TRIM27: variants seen among roughly 807,000 people sequenced by gnomAD.
TRIM27 encodes tripartite motif containing 27.
Under a neutral mutation model 57.6 loss-of-function variants are expected in TRIM27, and 12 were observed. The observed-to-expected ratio is 0.21, with a 90% CI of 0.13 to 0.34. TRIM27 has a LOEUF of 0.34. Ranked by LOEUF, TRIM27 falls within the 10% of genes least tolerant of loss-of-function variation. The probability of loss-of-function intolerance (pLI) is 1.00; values close to 1 mark genes in which losing one functional copy is unlikely to be tolerated. For missense variants in TRIM27, 403 were observed against 656.8 expected (o/e 0.61, Z 4.22); for synonymous variants, 266 against 259.0 (o/e 1.03, Z -0.26).
intron 6 of TRIM27, chr6:28,908,449 G>A: frequency 4.2e-6 from 1 of 235,428 alleles, no homozygotes; most frequent in Non-Finnish European, 8.3e-6. Flanking sequence ...ACAAGCAGTA[G>A]GAACTCAGTA....
At chr6:28,911,634 C>T in intron 4 of TRIM27, 62 bp downstream of exon 4, 1 of 1,548,792 alleles carries the variant, frequency 6.5e-7, no homozygotes, top group Non-Finnish European at 8.8e-7. Flanking sequence ...TCAGGATTTA[C>T]AAATGTGAAG....
At chr6:28,913,297 A>G (rs1266460780) in intron 3 of TRIM27, among the ~76,000 whole-genome samples, 2 of 148,324 alleles carry the variant, frequency 1.3e-5, no homozygotes, top group Non-Finnish European at 3.0e-5. Flanking sequence ...TAATATACGT[A>G]TGTATATGTG....
intron 4 of TRIM27, among the ~76,000 whole-genome samples, chr6:28,910,112 A>G (rs1773072033): frequency 7.4e-6 from 1 of 134,844 alleles, no homozygotes; most frequent in African/African-American, 3.1e-5. Flanking sequence ...GCCTCTACAA[A>G]AAAGAAAAAT....
Position 28,909,152 on chromosome 6 carries a change from G to C in TRIM27, c.771-64C>G. ...GAGATGGAGTTTCGCTTGTTGCCCAGGCTGGAGTGCAATGGCGCCATCTCG... is the reference window on the plus strand; with the variant it reads ...GAGATGGAGTTTCGCTTGTTGCCCACGCTGGAGTGCAATGGCGCCATCTCG... On this transcript the variant is annotated intron_variant, in intron 4 of 7. Coordinates refer to ENST00000377199, the MANE Select transcript of TRIM27 (RefSeq NM_006510.5). 8.3e-6 allele frequency: 10 copies of C among 1,209,138 alleles called. No homozygotes were observed. In the South Asian group the frequency reaches 1.3e-4, roughly 16 times the overall value. 74.9% of individuals were successfully genotyped at this position (1,209,138 alleles called of 1,614,324 possible). A position where few individuals can be genotyped will look rare whatever the true frequency, so the allele number is the denominator to read the frequency against.
At chr6:28,922,680 T>G (rs1774138374) in intron 1 of TRIM27, among the ~76,000 whole-genome samples, 1 of 152,196 alleles carries the variant, frequency 6.6e-6, no homozygotes, top group South Asian at 2.1e-4. Context: ...GATTCCACAA[T>G]ATTCCTCATA....
At chr6:28,918,968 C>G (rs1773822422) in intron 3 of TRIM27, among the ~76,000 whole-genome samples, 4 of 152,020 alleles carry the variant, frequency 2.6e-5, no homozygotes, top group Admixed American at 2.6e-4. Context: ...CCATAATTTG[C>G]TGACCCTTGC....
intron 2 of TRIM27, 136 bp downstream of exon 2, chr6:28,921,756 C>T (rs1442406545): frequency 1.4e-6 from 1 of 726,412 alleles, no homozygotes; most frequent in Admixed American, 2.2e-5. Flanking sequence ...GGTGAGTTCC[C>T]ACTGCCATGT....
At chr6:28,906,957 G>A in intron 7 of TRIM27, 1 of 443,968 alleles carries the variant, frequency 2.3e-6, no homozygotes, top group Non-Finnish European at 4.0e-6. Context: ...TACCAGCTCT[G>A]TTCTACTTTT....
intron 3 of TRIM27, chr6:28,914,742 T>G (rs1022867847): frequency 6.6e-6 from 1 of 152,162 alleles, no homozygotes; most frequent in Non-Finnish European, 1.5e-5. Flanking sequence ...GACAACTTGC[T>G]TTCCCTGTCT....
intron 3 of TRIM27, among the ~76,000 whole-genome samples, chr6:28,913,170 G>A (rs1356822427): frequency 6.6e-6 from 1 of 150,960 alleles, no homozygotes; most frequent in East Asian, 1.9e-4. Context: ...CAGGAGAATC[G>A]CTTGAACCCG....
At chr6:28,915,678 C>G (rs1298982515) in intron 3 of TRIM27, 2 of 152,124 alleles carry the variant, frequency 1.3e-5, no homozygotes, top group East Asian at 1.9e-4. Context: ...AAATGGGAAC[C>G]ATGCACAGAT....
chr6:28,921,861 A>T (rs1410890384), intron 2 of TRIM27, 31 bp downstream of exon 2: 1 of 1,556,772 alleles, frequency 6.4e-7, no homozygotes, highest in Non-Finnish European at 8.9e-7. Flanking sequence ...GAGCACCAGC[A>T]GAACCAACTG....
rs1772568089 is a variant in TRIM27, at chr6:28,903,825, G to A, written c.*245C>T. ...CTCCAGCGATGTGTAAAACCAGAAAGTATGAAACACTGGAGGTGGACATCT... is the reference window on the plus strand; with the variant it reads ...CTCCAGCGATGTGTAAAACCAGAAAATATGAAACACTGGAGGTGGACATCT... On this transcript the variant is annotated 3_prime_UTR_variant, in exon 8 of 8. Transcript: ENST00000377199. 9 of 558,728 alleles carry A rather than the reference G, an allele frequency of 1.6e-5. No homozygotes were observed. The highest frequency in any genetic ancestry group is 1.9e-5 in the Non-Finnish European group (6 of 314,582). 34.6% of individuals were successfully genotyped at this position (558,728 alleles called of 1,614,324 possible).
At position 28,904,076 on chromosome 6, in the gene TRIM27, G is replaced by T. The variant is rs1324376387; in HGVS notation, c.1536C>A (p.Ser512=). ...VGNHGHSMET[S]P Reference sequence around the variant, plus strand: ...TTGGCCTGAATTCACCTCCTCAAGGGGAGGTCTCCATGGAATGACCATGAT... The same window carrying T: ...TTGGCCTGAATTCACCTCCTCAAGGTGAGGTCTCCATGGAATGACCATGAT... The change falls in exon 8 of 8, where the codon TCC becomes TCA. Residue 512 remains serine (S), a synonymous_variant. Transcript: ENST00000377199. This position sits in a 1 kb window ranked among gnomAD's most constrained non-coding sequence, Gnocchi z 6.1. 1 of 1,612,308 alleles carries T rather than the reference G, an allele frequency of 6.2e-7. No individual in the cohort carries two copies. Among genetic ancestry groups the T allele is most frequent in the Admixed American group, 1.7e-5 (1 of 59,932 alleles).
At position 28,921,812 on chromosome 6, in the gene TRIM27, C is replaced by G. The variant is rs1007869419; in HGVS notation, c.516+80G>C. The G allele has an allele frequency of 6.0e-6, 7 of 1,170,982 alleles. 1 individual carries two copies. The Admixed American group carries it at 1.0e-4, about 17-fold the overall frequency. The allele number at this position is 1,170,982 out of a possible 1,614,324, so 72.5% of individuals were successfully genotyped here. A position where few individuals can be genotyped will look rare whatever the true frequency, so the allele number is the denominator to read the frequency against. The stretch of plus-strand genomic sequence containing the variant: ...TACAAGTTCTGGGTGACATGCTGGA[C>G]AAGTTTAAGGGAAGTAACATCAGCT... On this transcript the variant is annotated intron_variant, in intron 2 of 7. Transcript: ENST00000377199.
intron 3 of TRIM27, among the ~76,000 whole-genome samples, chr6:28,912,129 A>G (rs1773253297): frequency 1.4e-5 from 2 of 144,176 alleles, no homozygotes; most frequent in African/African-American, 2.6e-5. Flanking sequence ...TTTTTTTGAG[A>G]CGGAGTCTCG....
chr6:28,910,123 GAA>G (rs9278120), intron 4 of TRIM27, among the ~76,000 whole-genome samples: 12 of 97,614 alleles, frequency 1.2e-4, no homozygotes, highest in South Asian at 3.4e-4. Context: ...AAAGAAAAAT[GAA>G]AAAAAAAAAA....
At position 28,903,358 on chromosome 6, in the gene TRIM27, G is replaced by T. The variant is rs376176755; in HGVS notation, c.*712C>A. ...TGGAGTTGGGCAGAATATTATCCTG[G>T]ATGATATGCACCCAGCACTAGAATA... On this transcript the variant is annotated 3_prime_UTR_variant, in exon 8 of 8. Coordinates refer to ENST00000377199, the MANE Select transcript of TRIM27 (RefSeq NM_006510.5). 4.3e-6 allele frequency: 1 copy of T among 233,220 alleles called. No homozygotes were observed. The highest frequency in any genetic ancestry group is 2.2e-5 in the African/African-American group (1 of 45,416). 14.4% of individuals were successfully genotyped at this position (233,220 alleles called of 1,614,324 possible). A position where few individuals can be genotyped will look rare whatever the true frequency, so the allele number is the denominator to read the frequency against.
intron 3 of TRIM27, among the ~76,000 whole-genome samples, chr6:28,919,348 A>G (rs138812449): frequency 2.1e-3 from 315 of 152,306 alleles, no homozygotes; most frequent in African/African-American, 7.0e-3. Context: ...TCAAATACCT[A>G]TAAGAACTAT....
Sources: gnomAD v4.1 joint callset for allele counts (sites outside exome capture counted in the v4.1 genomes callset) on GRCh38, gnomAD v4.1.1 for gene constraint, Gnocchi (gnomAD v3.1) non-coding constraint, MANE v1.5 for transcripts, NCBI Gene and HGNC (gene_info 2026-07-23, HGNC 2026-07-21) for gene names.